Variants in MACROD2 observed in about 807,000 individuals in gnomAD.
The protein encoded by MACROD2 is ADP-ribose glycohydrolase MACROD2.
A neutral mutation model predicts 70.4 loss-of-function variants in MACROD2; 36 were observed. That is an observed-to-expected ratio of 0.51 (90% CI 0.39 to 0.68). The LOEUF (loss-of-function observed/expected upper bound fraction) is 0.68. MACROD2 is among the 30% of genes least tolerant of loss of function. The pLI is 0.00. For missense variants in MACROD2, 496 were observed against 538.4 expected, an observed-to-expected ratio of 0.92 and a Z score of 0.78; for synonymous variants, 172 against 178.8, an observed-to-expected ratio of 0.96 and a Z score of 0.30.
chr20:14,741,673 G>A (rs528761354), intron 5 of MACROD2, among the ~76,000 whole-genome samples: 2 of 152,116 alleles, frequency 1.3e-5, no homozygotes, highest in Admixed American at 6.5e-5. Context: ...AATTTCCCAT[G>A]CATATTTTAA....
Position 14,083,759 on chromosome 20 carries a change from T to C in MACROD2, c.164-1862T>C, listed in dbSNP as rs148897264. 7.1e-3 allele frequency among the ~76,000 whole-genome samples: 1,076 copies of C among 152,154 alleles called. 12 individuals carry two copies. The highest frequency in any genetic ancestry group is 0.024 in the African/African-American group (1,004 of 41,526). On this transcript the variant is annotated intron_variant, in intron 2 of 17. Coordinates refer to ENST00000684519, the MANE Select transcript of MACROD2 (RefSeq NM_001351661.2). ...ACATTATTCTCCTTGTCATTATTAC[T>C]ACAACCAGTGAGTATTTTGATAGAA...
At chr20:15,310,384 T>C (rs748826865) in intron 6 of MACROD2, among the ~76,000 whole-genome samples, 1 of 152,018 alleles carries the variant, frequency 6.6e-6, no homozygotes, top group Non-Finnish European at 1.5e-5. Context: ...TTCAACAAAT[T>C]AGATTTGCTT....
chr20:14,339,712 C>G (rs1350058347), intron 3 of MACROD2, among the ~76,000 whole-genome samples: 1 of 152,172 alleles, frequency 6.6e-6, no homozygotes, highest in African/African-American at 2.4e-5. Flanking sequence ...TTGGTTTCAT[C>G]ACTTGACAAA....
At chr20:14,127,066 A>T (rs778193252) in intron 3 of MACROD2, among the ~76,000 whole-genome samples, 1 of 152,204 alleles carries the variant, frequency 6.6e-6, no homozygotes, top group Non-Finnish European at 1.5e-5. Context: ...GAGGCCAAAA[A>T]TGAGGCCTCT....
chr20:15,722,034 G>A (rs187083400), intron 8 of MACROD2, among the ~76,000 whole-genome samples: 1 of 152,060 alleles, frequency 6.6e-6, no homozygotes, highest in Non-Finnish European at 1.5e-5. Context: ...AACTACATTT[G>A]TGAAATGTAT....
rs1424321218 is a variant in MACROD2, at chr20:14,625,482, A to C, written c.302-59361A>C. On this transcript the variant is annotated intron_variant, in intron 4 of 17. Transcript: ENST00000684519. ...GCAATCACCACCGAAAAAGCTCTAA[A>C]AATAAAATAGAGAAAATGACCGTAG... Among the ~76,000 whole-genome samples the C allele has an allele frequency of 2.0e-5, 3 of 152,302 alleles. No homozygotes were observed. The East Asian group carries it at 5.8e-4, about 29-fold the overall frequency.
intron 8 of MACROD2, among the ~76,000 whole-genome samples, chr20:15,582,819 A>G (rs2048543907): frequency 1.3e-5 from 2 of 152,370 alleles, no homozygotes; most frequent in East Asian, 1.9e-4. Context: ...TCACATCCAC[A>G]GGAGAAATAT....
chr20:14,312,888 C>G (rs1049621018), intron 3 of MACROD2, among the ~76,000 whole-genome samples: 3 of 152,220 alleles, frequency 2.0e-5, no homozygotes, highest in Non-Finnish European at 2.9e-5. Flanking sequence ...TTCACAACCA[C>G]TATCCTGTAC....
intron 6 of MACROD2, among the ~76,000 whole-genome samples, chr20:15,413,982 T>C (rs2046113140): frequency 6.6e-6 from 1 of 152,178 alleles, no homozygotes; most frequent in Non-Finnish European, 1.5e-5. Flanking sequence ...GTTTATATCA[T>C]CCAAGTAACC....
rs544280108 is a variant in MACROD2 at position 15,664,999 on chromosome 20, A to G, written c.645+165152A>G. ...GGATGATTGTATGGGTTCTGTGGAG[A>G]TGGCATTATCTAGTTGGATTGCATA... is the stretch of plus-strand genomic sequence containing the variant. On this transcript the variant is annotated intron_variant, in intron 8 of 17. Coordinates refer to ENST00000684519, the MANE Select transcript of MACROD2 (RefSeq NM_001351661.2). 4.6e-5 allele frequency among the ~76,000 whole-genome samples: 7 copies of G among 152,242 alleles called. No individual in the cohort carries two copies. The East Asian group carries it at 1.4e-3, about 29-fold the overall frequency.
chr20:15,064,862 A>G (rs2075561467), intron 5 of MACROD2, among the ~76,000 whole-genome samples: 1 of 152,220 alleles, frequency 6.6e-6, no homozygotes, highest in East Asian at 1.9e-4. Context: ...GTGGCATAAG[A>G]ACTCTGAATT....
At chr20:15,307,343 C>T (rs562901254) in intron 6 of MACROD2, among the ~76,000 whole-genome samples, 8 of 152,208 alleles carry the variant, frequency 5.3e-5, no homozygotes, top group South Asian at 2.1e-4. Flanking sequence ...TGGTCTCTGA[C>T]GAAGGTTTTT....
intron 8 of MACROD2, among the ~76,000 whole-genome samples, chr20:15,599,543 G>T (rs979663986): frequency 3.3e-5 from 5 of 152,080 alleles, no homozygotes; most frequent in African/African-American, 1.2e-4. Context: ...GTGTGGTCTT[G>T]GACAAGCCAC....
chr20:15,293,884 G>A (rs890367754), intron 6 of MACROD2, among the ~76,000 whole-genome samples: 1 of 152,076 alleles, frequency 6.6e-6, no homozygotes, highest in African/African-American at 2.4e-5. Context: ...TTGGGAGGCC[G>A]AGGCAGATGG....
chr20:15,098,234 C>T (rs1275021416), intron 5 of MACROD2, among the ~76,000 whole-genome samples: 1 of 152,096 alleles, frequency 6.6e-6, no homozygotes, highest in African/African-American at 2.4e-5. Context: ...AATTTTTGAA[C>T]AAAGGGTCTC....
At chr20:15,763,680 T>TA (rs11477029) in intron 8 of MACROD2, among the ~76,000 whole-genome samples, 34 of 150,506 alleles carry the variant, frequency 2.3e-4, no homozygotes, top group Admixed American at 4.0e-4. Flanking sequence ...AATCTTGCCT[T>TA]AAAAAAAAAA....
intron 6 of MACROD2, among the ~76,000 whole-genome samples, chr20:15,294,206 A>G (rs560614250): frequency 5.1e-4 from 77 of 152,050 alleles, no homozygotes; most frequent in African/African-American, 1.8e-3. Flanking sequence ...TCCTGGCAAT[A>G]TTGGGCCTGC....
chr20:15,358,078 G>T (rs1425177025), intron 6 of MACROD2, among the ~76,000 whole-genome samples: 2 of 152,110 alleles, frequency 1.3e-5, no homozygotes, highest in East Asian at 1.9e-4. Context: ...AAAGTGCTGG[G>T]ATTACAGGGG....
chr20:14,838,761 G>A (rs1439352336), intron 5 of MACROD2, among the ~76,000 whole-genome samples: 2 of 152,060 alleles, frequency 1.3e-5, no homozygotes, highest in Non-Finnish European at 2.9e-5. Context: ...AGATAAAAGA[G>A]AGAAACCAGA....
Sources: gnomAD v4.1 joint callset for allele counts (sites outside exome capture counted in the v4.1 genomes callset) on GRCh38, gnomAD v4.1.1 for gene constraint, MANE v1.5 for transcripts, NCBI Gene and HGNC (gene_info 2026-07-23, HGNC 2026-07-21) for gene names.